LCE1C: variants seen among roughly 807,000 people sequenced by gnomAD.
LCE1C encodes the protein late cornified envelope 1C.
In LCE1C, 1 loss-of-function variant was observed where a neutral mutation model predicts 0.7. The observed-to-expected ratio is 1.44, with a 90% CI of 0.51 to 6.83. The LOEUF (loss-of-function observed/expected upper bound fraction) is 6.83, where lower values mean the gene tolerates loss of function less well. LCE1C is among the 30% of genes most tolerant of loss of function. The pLI, the probability that LCE1C is intolerant of heterozygous loss-of-function variation, is 0.14. For missense variants in LCE1C, 136 were observed against 149.6 expected (o/e 0.91, Z 0.48); for synonymous variants, 72 against 57.9 (o/e 1.24, Z -1.10).
rs117225633 is a variant in LCE1C, at chr1:152,805,877, T to C, written c.-20-379A>G. ...TGGAAACCTGGGGATATAAACATTT[T>C]CTTGGAAAAAGATAATGAAGGATTA... On this transcript the variant is annotated intron_variant, in intron 1 of 1. Coordinates refer to ENST00000607093, the MANE Select transcript of LCE1C (RefSeq NM_178351.4). Among the ~76,000 whole-genome samples the C allele has an allele frequency of 2.6e-3, 393 of 152,328 alleles. 3 individuals are homozygous for C. The highest frequency in any genetic ancestry group is 0.013 in the East Asian group (65 of 5,182).
At chr1:152,805,926 G>A (rs1223414917) in intron 1 of LCE1C, among the ~76,000 whole-genome samples, 1 of 152,192 alleles carries the variant, frequency 6.6e-6, no homozygotes, top group Admixed American at 6.5e-5. Context: ...CTTCCTAGGA[G>A]ACTTTGTCTT....
rs527859300 is a variant in LCE1C at position 152,805,505 on chromosome 1, G to A, written c.-20-7C>T. The A allele has an allele frequency of 1.2e-6, 2 of 1,604,362 alleles. No individual in the cohort carries two copies. Among genetic ancestry groups the A allele is most frequent in the South Asian group, 2.2e-5 (2 of 90,708 alleles). On this transcript the variant is annotated splice_polypyrimidine_tract_variant and splice_region_variant and intron_variant, in intron 1 of 1. Transcript: ENST00000607093. ...TTGGTGGCGGATTCAGGAGCTGAAA[G>A]AGAGTCAAACAGCAAGTCAGACCTA...
intron 1 of LCE1C, among the ~76,000 whole-genome samples, chr1:152,806,359 A>G (rs1652340285): frequency 6.7e-6 from 1 of 150,046 alleles, no homozygotes; most frequent in South Asian, 2.1e-4. Context: ...CCTGGGCTTC[A>G]ACTCCCTCTG....
At position 152,805,485 on chromosome 1, in the gene LCE1C, G is replaced by A; in HGVS notation, c.-7C>T. 6.2e-7 allele frequency: 1 copy of A among 1,612,690 alleles called. No homozygotes were observed. The highest frequency in any genetic ancestry group is 8.5e-7 in the Non-Finnish European group (1 of 1,178,718). On this transcript the variant is annotated 5_prime_UTR_variant, in exon 2 of 2. Coordinates refer to ENST00000607093, the MANE Select transcript of LCE1C (RefSeq NM_178351.4). The stretch of plus-strand genomic sequence containing the variant: ...GGCTCTGCTGGCAGGACATCTTGGT[G>A]GCGGATTCAGGAGCTGAAAGAGAGT...
intron 1 of LCE1C, among the ~76,000 whole-genome samples, chr1:152,806,037 G>A (rs1369023530): frequency 2.0e-5 from 3 of 152,148 alleles, no homozygotes; most frequent in East Asian, 3.9e-4. Flanking sequence ...TATTTTTGGT[G>A]CATAGAGGGG....
At chr1:152,806,069 C>A (rs1652332380) in intron 1 of LCE1C, among the ~76,000 whole-genome samples, 1 of 152,152 alleles carries the variant, frequency 6.6e-6, no homozygotes, top group Non-Finnish European at 1.5e-5. Flanking sequence ...GGTGCCCTGG[C>A]TCTAGGCTGG....
chr1:152,805,633 A>C (rs1438095564), intron 1 of LCE1C, 135 bp from the exon 2 acceptor site: 19 of 763,018 alleles, frequency 2.5e-5, no homozygotes, highest in Non-Finnish European at 3.8e-5. Flanking sequence ...AATCACTGAA[A>C]ATTTTGTTGT....
chr1:152,805,895 A>G (rs1652326731), intron 1 of LCE1C, among the ~76,000 whole-genome samples: 1 of 152,224 alleles, frequency 6.6e-6, no homozygotes, highest in Non-Finnish European at 1.5e-5. Context: ...AAAGATAATG[A>G]AGGATTATCT....
Position 152,805,157 on chromosome 1 carries a change from C to T in LCE1C, c.322G>A (p.Gly108Arg), listed in dbSNP as rs747638102. Residue 108 changes from glycine (G) to arginine (R), a missense_variant, in exon 2 of 2, where the codon GGG becomes AGG. Gly to Arg is a moderately radical substitution (Grantham distance 125, BLOSUM62 -2). Coordinates refer to ENST00000607093, the MANE Select transcript of LCE1C (RefSeq NM_178351.4). ...QPSGGSSCCG[G>R]GSGQHSGGCC Reference sequence around the variant, plus strand: ...CCTCCAGAGTGCTGGCCACTCCCCCCGCCACAGCAGCTGGAGCCCCCCGAG... The same window carrying T: ...CCTCCAGAGTGCTGGCCACTCCCCCTGCCACAGCAGCTGGAGCCCCCCGAG... 106 of 1,611,310 alleles carry T rather than the reference C, an allele frequency of 6.6e-5. No individual in the cohort carries two copies. The highest frequency in any genetic ancestry group is 5.1e-4 in the Middle Eastern group (3 of 5,828).
intron 1 of LCE1C, among the ~76,000 whole-genome samples, chr1:152,806,303 G>T (rs1295557682): frequency 1.3e-5 from 2 of 152,200 alleles, no homozygotes; most frequent in African/African-American, 2.4e-5. Context: ...GTTTTGCTCT[G>T]AAAAGTAAGT....
rs1434106846 is a variant in LCE1C at position 152,805,438 on chromosome 1, G to A, written c.41C>T (p.Pro14Leu). The A allele has an allele frequency of 1.9e-6, 3 of 1,614,072 alleles. No individual in the cohort carries two copies. In the South Asian group the frequency reaches 3.3e-5, roughly 18 times the overall value. Residue 14 changes from proline (P) to leucine (L), a missense_variant, in exon 2 of 2, where the codon CCC (proline) becomes CTC (leucine). Physicochemically the swap from Pro to Leu is moderately conservative, Grantham distance 98. Transcript: ENST00000607093. The stretch of plus-strand genomic sequence containing the variant: ...GGGAGGGCACTTGGGGGTGCACTTG[G>A]GAGGGGGCTGGCACTGCTGCTGGCT... ...QQSQQQCQPP[P>L]KCTPKCPPKC... is the part of the protein sequence containing the mutation.
At position 152,805,493 on chromosome 1, in the gene LCE1C, C is replaced by T; in HGVS notation, c.-15G>A. 6.2e-7 allele frequency: 1 copy of T among 1,611,346 alleles called. No homozygotes were observed. ...TGGCAGGACATCTTGGTGGCGGATT[C>T]AGGAGCTGAAAGAGAGTCAAACAGC... On this transcript the variant is annotated 5_prime_UTR_variant, in exon 2 of 2. Transcript: ENST00000607093.
chr1:152,805,673 T>C (rs926501922), intron 1 of LCE1C, among the ~76,000 whole-genome samples, 175 bp from the exon 2 acceptor site: 1 of 152,200 alleles, frequency 6.6e-6, no homozygotes, highest in Non-Finnish European at 1.5e-5. Flanking sequence ...GCTCTCACAC[T>C]GTATCTTTTG....
intron 1 of LCE1C, among the ~76,000 whole-genome samples, chr1:152,806,258 A>G (rs965246611): frequency 6.6e-6 from 1 of 152,214 alleles, no homozygotes; most frequent in Non-Finnish European, 1.5e-5. Context: ...ATTGAGAACT[A>G]CTATCTCCAG....
chr1:152,804,837 T>G lies in LCE1C; in HGVS notation c.*285A>C. 4.1e-5 allele frequency: 17 copies of G among 412,778 alleles called. No homozygotes were observed. Among genetic ancestry groups the G allele is most frequent in the East Asian group, 7.7e-5 (2 of 25,954 alleles). 25.6% of individuals were successfully genotyped at this position (412,778 alleles called of 1,614,324 possible). A position where few individuals can be genotyped will look rare whatever the true frequency, so the allele number is the denominator to read the frequency against. On this transcript the variant is annotated 3_prime_UTR_variant, in exon 2 of 2. Coordinates refer to ENST00000607093, the MANE Select transcript of LCE1C (RefSeq NM_178351.4). ...AGAACAAGACACTGAGCAGATTCCT[T>G]GTTTTAGTCCTTTAATCAGCAGATG...
In LCE1C at chr1:152,805,274, T is replaced by C. The variant is rs761838249; in HGVS notation, c.205A>G (p.Ser69Gly). The C allele has an allele frequency of 6.2e-7, 1 of 1,613,894 alleles. No homozygotes were observed. The highest frequency in any genetic ancestry group is 2.2e-5 in the East Asian group (1 of 44,850). ...SCGSSSGGCCSSGGGGCCLSH... is the reference protein window; with the variant it reads ...SCGSSSGGCCGSGGGGCCLSH... The stretch of plus-strand genomic sequence containing the variant: ...AGGCAGCAGCCACCTCCCCCAGAAC[T>C]GCAGCATCCCCCAGAGCTGGAGCCA... The change falls in exon 2 of 2, where the codon AGT (serine) becomes GGT (glycine). Residue 69 changes from serine to glycine, a missense_variant. Physicochemically the swap from Ser to Gly is moderately conservative, Grantham distance 56 (BLOSUM62 0). Transcript: ENST00000607093.
In LCE1C at chr1:152,804,996, T is replaced by G; in HGVS notation, c.*126A>C. ...GTTTCTGGACTCCAGGGAAAAGATA[T>G]GCTCTTGGCAAGTTCAGAGCTTTCC... On this transcript the variant is annotated 3_prime_UTR_variant, in exon 2 of 2. Transcript: ENST00000607093. The G allele has an allele frequency of 8.4e-7, 1 of 1,188,418 alleles. No individual in the cohort carries two copies. Among genetic ancestry groups the G allele is most frequent in the Non-Finnish European group, 1.2e-6 (1 of 837,942 alleles). 73.6% of individuals were successfully genotyped at this position (1,188,418 alleles called of 1,614,324 possible).
intron 1 of LCE1C, 132 bp from the exon 2 acceptor site, chr1:152,805,630 G>C: frequency 1.3e-6 from 1 of 776,724 alleles, no homozygotes; most frequent in East Asian, 2.7e-5. Context: ...ATTAATCACT[G>C]AAAATTTTGT....
At position 152,805,230 on chromosome 1, in the gene LCE1C, A is replaced by G. The variant is rs747831816; in HGVS notation, c.249T>C (p.Arg83=). 8.1e-6 allele frequency: 13 copies of G among 1,613,704 alleles called. No individual in the cohort carries two copies. Among genetic ancestry groups the G allele is most frequent in the South Asian group, 1.1e-5 (1 of 91,048 alleles). ...GGCCLSHHRR[R]RSHCHRPQSS... Reference sequence around the variant, plus strand: ...TCTGGGGTCTGTGGCAGTGGGACCTACGGCGCCTGTGGTGGCTCAGGCAGC... The same window carrying G: ...TCTGGGGTCTGTGGCAGTGGGACCTGCGGCGCCTGTGGTGGCTCAGGCAGC... Residue 83 remains arginine (R), a synonymous_variant, in exon 2 of 2, where the codon CGT becomes CGC. Transcript: ENST00000607093.
Sources: gnomAD v4.1 joint callset for allele counts (sites outside exome capture counted in the v4.1 genomes callset) on GRCh38, gnomAD v4.1.1 for gene constraint, MANE v1.5 for transcripts, NCBI Gene and HGNC (gene_info 2026-07-23, HGNC 2026-07-21) for gene names.